TMEFF1: variants seen among roughly 807,000 people sequenced by gnomAD.
The protein encoded by TMEFF1 is transmembrane protein with EGF like and two follistatin like domains 1.
A neutral mutation model predicts 47.5 loss-of-function variants in TMEFF1; 20 were observed. The observed-to-expected ratio is 0.42, with a 90% CI of 0.30 to 0.61. TMEFF1 has a LOEUF of 0.61. Ranked by LOEUF, TMEFF1 falls within the 20% of genes least tolerant of loss-of-function variation. The pLI is 0.19. For synonymous variants in TMEFF1, 162 were observed against 166.3 expected, an observed-to-expected ratio of 0.97 and a Z score of 0.20; for missense variants, 411 against 471.1, an observed-to-expected ratio of 0.87 and a Z score of 1.18.
intron 2 of TMEFF1, among the ~76,000 whole-genome samples, chr9:100,502,344 T>A (rs1209464715): frequency 6.6e-6 from 1 of 152,190 alleles, no homozygotes; most frequent in Non-Finnish European, 1.5e-5. Flanking sequence ...ATTTCAGATT[T>A]TCACCTTATA....
intron 5 of TMEFF1, among the ~76,000 whole-genome samples, chr9:100,544,940 A>T (rs1341574463): frequency 1.3e-5 from 2 of 152,210 alleles, no homozygotes; most frequent in Non-Finnish European, 2.9e-5. Context: ...GGTCATGCCG[A>T]TGCAAAAGGT....
At chr9:100,535,764 A>G (rs1186990693) in intron 5 of TMEFF1, among the ~76,000 whole-genome samples, 1 of 152,222 alleles carries the variant, frequency 6.6e-6, no homozygotes, top group Non-Finnish European at 1.5e-5. Flanking sequence ...ACCGTATCTC[A>G]AAAAACAAAA....
intron 7 of TMEFF1, among the ~76,000 whole-genome samples, chr9:100,557,250 C>G (rs924709890): frequency 6.6e-6 from 1 of 151,518 alleles, no homozygotes. Flanking sequence ...TTTTCTACAC[C>G]CCTAAAAGAA....
chr9:100,506,400 T>G (rs554756267), intron 2 of TMEFF1, among the ~76,000 whole-genome samples: 5 of 152,294 alleles, frequency 3.3e-5, no homozygotes, highest in Non-Finnish European at 5.9e-5. Flanking sequence ...TTGCTATATT[T>G]TATTTTATAT....
chr9:100,502,259 T>C (rs1283810677), intron 2 of TMEFF1, among the ~76,000 whole-genome samples: 1 of 152,208 alleles, frequency 6.6e-6, no homozygotes, highest in African/African-American at 2.4e-5. Context: ...TTTAACACTA[T>C]GTATTTTTAA....
chr9:100,518,456 A>G, intron 5 of TMEFF1: 1 of 985,430 alleles, frequency 1.0e-6, no homozygotes, highest in Non-Finnish European at 1.2e-6. Context: ...GACATAGACC[A>G]TGGAAGGGCT....
chr9:100,478,070 G>A (rs774778253), intron 1 of TMEFF1, among the ~76,000 whole-genome samples: 9 of 152,198 alleles, frequency 5.9e-5, no homozygotes, highest in Non-Finnish European at 1.0e-4. Context: ...ATCATGGAGT[G>A]TGAGTTATTT....
At chr9:100,522,525 C>T (rs1838182232) in intron 5 of TMEFF1, among the ~76,000 whole-genome samples, 1 of 148,012 alleles carries the variant, frequency 6.8e-6, no homozygotes, top group Non-Finnish European at 1.5e-5. Flanking sequence ...GCAACTTCCG[C>T]CTCCCGGGTT....
intron 5 of TMEFF1, among the ~76,000 whole-genome samples, chr9:100,518,082 AT>A (rs1838103875): frequency 6.6e-6 from 1 of 151,878 alleles, no homozygotes; most frequent in African/African-American, 2.4e-5. Flanking sequence ...TTCTATTATC[AT>A]TTTTCATGCC....
chr9:100,552,275 A>G (rs1838838526), intron 7 of TMEFF1, among the ~76,000 whole-genome samples: 1 of 152,242 alleles, frequency 6.6e-6, no homozygotes, highest in Non-Finnish European at 1.5e-5. Flanking sequence ...AATATTGTGC[A>G]TATTGTATAC....
chr9:100,541,276 A>G (rs1479653070), intron 5 of TMEFF1, among the ~76,000 whole-genome samples: 1 of 146,908 alleles, frequency 6.8e-6, no homozygotes, highest in East Asian at 2.0e-4. Flanking sequence ...TTTTGCTGAT[A>G]TTTTTTCTGC....
At chr9:100,522,731 G>C (rs1249257090) in intron 5 of TMEFF1, among the ~76,000 whole-genome samples, 7 of 148,922 alleles carry the variant, frequency 4.7e-5, no homozygotes, top group African/African-American at 1.5e-4. Context: ...CACTGCACCT[G>C]GCCTTCCAGA....
At chr9:100,518,648 G>C (rs1439416656) in intron 5 of TMEFF1, 11 of 271,980 alleles carry the variant, frequency 4.0e-5, no homozygotes, top group African/African-American at 2.5e-4. Context: ...TATGGAAAGA[G>C]ACAAAAGGAA....
chr9:100,511,243 A>G (rs1225998330), intron 3 of TMEFF1, among the ~76,000 whole-genome samples: 1 of 152,228 alleles, frequency 6.6e-6, no homozygotes, highest in Non-Finnish European at 1.5e-5. Context: ...GTCTCAAATT[A>G]TGTTTCACTT....
At position 100,518,575 on chromosome 9, in the gene TMEFF1, C is replaced by T. The variant is rs540806392; in HGVS notation, c.560+1804C>T. ...AAATTGATGCAACAAGAGGAAAATA[C>T]GAAGGAAGCAGTTGGTATCTTTATC... On this transcript the variant is annotated intron_variant, in intron 5 of 9. Transcript: ENST00000374879. 3.8e-4 allele frequency: 326 copies of T among 867,186 alleles called. No homozygotes were observed. In the African/African-American group the frequency reaches 5.5e-3, roughly 15 times the overall value. 53.7% of individuals were successfully genotyped at this position (867,186 alleles called of 1,614,324 possible).
At chr9:100,537,415 C>G (rs1264060593) in intron 5 of TMEFF1, among the ~76,000 whole-genome samples, 1 of 152,120 alleles carries the variant, frequency 6.6e-6, no homozygotes, top group Non-Finnish European at 1.5e-5. Context: ...ATATTTTGGG[C>G]TTATTACATG....
chr9:100,571,120 A>G (rs1372907054), intron 8 of TMEFF1, among the ~76,000 whole-genome samples: 2 of 152,044 alleles, frequency 1.3e-5, no homozygotes, highest in Non-Finnish European at 2.9e-5. Flanking sequence ...ACTTATTTTC[A>G]TCTTCCCCTT....
intron 8 of TMEFF1, among the ~76,000 whole-genome samples, chr9:100,567,373 G>C (rs1223556901): frequency 6.6e-6 from 1 of 152,100 alleles, no homozygotes; most frequent in Admixed American, 6.5e-5. Flanking sequence ...CTCCCTTCCT[G>C]CAACTTTCCT....
At chr9:100,539,526 T>C (rs1396999992) in intron 5 of TMEFF1, among the ~76,000 whole-genome samples, 2 of 152,098 alleles carry the variant, frequency 1.3e-5, no homozygotes, top group Non-Finnish European at 2.9e-5. Context: ...TTGCGATGAG[T>C]GTTACAGCTC....
Sources: allele counts gnomAD v4.1 joint callset (sites outside exome capture counted in the v4.1 genomes callset), GRCh38; gene constraint gnomAD v4.1.1; transcripts MANE v1.5; gene names NCBI Gene and HGNC (gene_info 2026-07-23, HGNC 2026-07-21).